MBD5: variants seen among roughly 807,000 people sequenced by gnomAD.
MBD5 encodes the protein methyl-CpG-binding domain protein 5.
Under a neutral mutation model 117.3 loss-of-function variants are expected in MBD5, and 13 were observed. The ratio of observed to expected loss-of-function variants is 0.11; its 90% CI spans 0.07 to 0.18. The LOEUF is 0.18. Ranked by LOEUF, MBD5 falls within the 10% of genes least tolerant of loss-of-function variation. The pLI is 1.00. For missense variants in MBD5, 1,879 were observed against 2,093.8 expected (o/e 0.90, Z 2.00); for synonymous variants, 727 against 766.4 (o/e 0.95, Z 0.85).
At chr2:148,426,147 G>A (rs1267861834) in intron 4 of MBD5, among the ~76,000 whole-genome samples, 2 of 152,070 alleles carry the variant, frequency 1.3e-5, no homozygotes, top group Non-Finnish European at 2.9e-5. Flanking sequence ...CAATGAAATA[G>A]AAGAGGATAC....
At chr2:148,491,030 C>G (rs1015887268) in intron 11 of MBD5, among the ~76,000 whole-genome samples, 9 of 152,212 alleles carry the variant, frequency 5.9e-5, no homozygotes, top group Non-Finnish European at 1.0e-4. Flanking sequence ...GGGACGGCAT[C>G]TCCTCCATGT....
chr2:148,332,587 A>G (rs973534656), intron 3 of MBD5, among the ~76,000 whole-genome samples: 2 of 152,124 alleles, frequency 1.3e-5, no homozygotes, highest in Admixed American at 1.3e-4. Flanking sequence ...TCTGGTTTGT[A>G]ATTCATTTTC....
intron 2 of MBD5, among the ~76,000 whole-genome samples, chr2:148,208,552 A>G (rs6757939): frequency 0.22 from 34,090 of 152,034 alleles, 4,192 homozygotes; most frequent in East Asian, 0.51. Context: ...CCACCACGCC[A>G]GGCTATACCT....
chr2:148,047,115 A>G (rs918370135), intron 1 of MBD5, among the ~76,000 whole-genome samples: 51 of 152,188 alleles, frequency 3.4e-4, no homozygotes, highest in African/African-American at 1.2e-3. Context: ...TTTTACTGCA[A>G]ATCCCAAATC....
intron 4 of MBD5, among the ~76,000 whole-genome samples, chr2:148,351,844 T>C (rs1459245095): frequency 6.6e-6 from 1 of 152,076 alleles, no homozygotes; most frequent in African/African-American, 2.4e-5. Context: ...ACCCTTCATG[T>C]CCTTCATGTC....
chr2:148,224,063 T>C (rs1699756141), intron 2 of MBD5, among the ~76,000 whole-genome samples: 1 of 152,250 alleles, frequency 6.6e-6, no homozygotes, highest in Non-Finnish European at 1.5e-5. Flanking sequence ...TTATGAGTTT[T>C]ATTCCACTTT....
At chr2:148,090,145 G>C (rs1294428366) in intron 1 of MBD5, among the ~76,000 whole-genome samples, 1 of 151,912 alleles carries the variant, frequency 6.6e-6, no homozygotes, top group African/African-American at 2.4e-5. Flanking sequence ...GGAAGAAGTA[G>C]AAACTCTGAA....
chr2:148,425,096 C>T (rs10211149), intron 4 of MBD5, among the ~76,000 whole-genome samples: 3 of 151,846 alleles, frequency 2.0e-5, no homozygotes, highest in Non-Finnish European at 2.9e-5. Flanking sequence ...AATCCAGGAG[C>T]TGGTTTTTTG....
chr2:148,398,263 C>T (rs1198231758), intron 4 of MBD5, among the ~76,000 whole-genome samples: 3 of 152,132 alleles, frequency 2.0e-5, no homozygotes, highest in African/African-American at 4.8e-5. Flanking sequence ...AGTTTACAGC[C>T]CCACCAACAG....
intron 1 of MBD5, among the ~76,000 whole-genome samples, chr2:148,116,199 G>A (rs1014528615): frequency 9.7e-5 from 4 of 41,426 alleles, no homozygotes; most frequent in African/African-American, 3.0e-4. Flanking sequence ...AATGTGGCTA[G>A]TACTGTTCCT....
At chr2:148,057,651 T>G (rs1264988786) in intron 1 of MBD5, among the ~76,000 whole-genome samples, 2 of 151,958 alleles carry the variant, frequency 1.3e-5, no homozygotes, top group Non-Finnish European at 2.9e-5. Context: ...GAATAAATTT[T>G]TTCCAATTTT....
intron 4 of MBD5, among the ~76,000 whole-genome samples, chr2:148,350,093 T>A (rs910511702): frequency 2.4e-4 from 36 of 151,902 alleles, no homozygotes; most frequent in Admixed American, 2.2e-3. Context: ...CCCCATAACC[T>A]AAGGACAATT....
At chr2:148,365,034 C>T (rs913269036) in intron 4 of MBD5, among the ~76,000 whole-genome samples, 1 of 152,196 alleles carries the variant, frequency 6.6e-6, no homozygotes, top group Non-Finnish European at 1.5e-5. Context: ...ACAGAATATA[C>T]ATTCTTCTCA....
chr2:148,027,711 G>C (rs572581067), intron 1 of MBD5: 1 of 152,106 alleles, frequency 6.6e-6, no homozygotes, highest in African/African-American at 2.4e-5. Context: ...AAAACCTTTT[G>C]AATAAGGGAT....
At chr2:148,402,545 T>C (rs1259735414) in intron 4 of MBD5, among the ~76,000 whole-genome samples, 1 of 152,170 alleles carries the variant, frequency 6.6e-6, no homozygotes, top group Non-Finnish European at 1.5e-5. Flanking sequence ...TCCATGCTGT[T>C]CCCAAAGACT....
intron 1 of MBD5, among the ~76,000 whole-genome samples, chr2:148,059,016 G>T (rs903596894): frequency 6.6e-6 from 1 of 151,916 alleles, no homozygotes; most frequent in Admixed American, 6.6e-5. Flanking sequence ...CTTGCACATA[G>T]TTTTTTTTAC....
rs192807554 is a variant in MBD5, at chr2:148,427,244, C to T, written c.-556-30959C>T. ...TCCACCATTGTGGAAGTTGGCGTGG[C>T]GATTCCTCAGGGATCTAGAACTAGA... On this transcript the variant is annotated intron_variant, in intron 4 of 13. Transcript: ENST00000642680. 9.1e-3 allele frequency among the ~76,000 whole-genome samples: 1,386 copies of T among 152,226 alleles called. 25 individuals carry two copies. The highest frequency in any genetic ancestry group is 0.03 in the African/African-American group (1,263 of 41,530).
chr2:148,027,320 A>G (rs1451480991), intron 1 of MBD5: 1 of 152,136 alleles, frequency 6.6e-6, no homozygotes, highest in Non-Finnish European at 1.5e-5. Flanking sequence ...TTTCATATTT[A>G]TACTTAAAAG....
At chr2:148,278,919 C>G (rs1385628491) in intron 3 of MBD5, among the ~76,000 whole-genome samples, 1 of 152,184 alleles carries the variant, frequency 6.6e-6, no homozygotes, top group African/African-American at 2.4e-5. Context: ...ACCTGGAGTT[C>G]TGAAGTCCCA....
Sources: gnomAD v4.1 joint callset for allele counts (sites outside exome capture counted in the v4.1 genomes callset) on GRCh38, gnomAD v4.1.1 for gene constraint, MANE v1.5 for transcripts, NCBI Gene and HGNC (gene_info 2026-07-23, HGNC 2026-07-21) for gene names.